SARM1: variants seen among roughly 807,000 people sequenced by gnomAD.
The protein encoded by SARM1 is NAD(+) hydrolase SARM1.
Under a neutral mutation model 65.1 loss-of-function variants are expected in SARM1, and 60 were observed. The ratio of observed to expected loss-of-function variants is 0.92; its 90% CI spans 0.75 to 1.14. The LOEUF is 1.14. SARM1 is among the 50% of genes most tolerant of loss of function. SARM1 has a pLI of 0.00. For synonymous variants in SARM1, 417 were observed against 465.4 expected, an observed-to-expected ratio of 0.90 and a Z score of 1.34; for missense variants, 913 against 1,015.7, an observed-to-expected ratio of 0.90 and a Z score of 1.37.
At chr17:28,387,572 C>T (rs891266788) in intron 5 of SARM1, among the ~76,000 whole-genome samples, 2 of 152,144 alleles carry the variant, frequency 1.3e-5, no homozygotes, top group African/African-American at 2.4e-5. Context: ...AGGAGGCTGG[C>T]ATTGGAAACC....
intron 5 of SARM1, among the ~76,000 whole-genome samples, chr17:28,386,850 C>T (rs939149495): frequency 5.3e-5 from 8 of 152,182 alleles, no homozygotes; most frequent in African/African-American, 1.9e-4. Flanking sequence ...AGTGATTCTC[C>T]CACCTCACCT....
chr17:28,396,495 C>G lies in SARM1; in HGVS notation c.*209C>G. The G allele has an allele frequency of 1.6e-6, 1 of 619,874 alleles. No homozygotes were observed. Among genetic ancestry groups the G allele is most frequent in the Non-Finnish European group, 2.8e-6 (1 of 359,614 alleles). The allele number at this position is 619,874 out of a possible 1,614,324, so 38.4% of individuals were successfully genotyped here. On this transcript the variant is annotated 3_prime_UTR_variant, in exon 9 of 9. Transcript: ENST00000585482. ...AGGGAAGGGAAGTCAGGCTTGGGCA[C>G]GGGAGGTTAGAACTCCCCCAGGCCC...
Position 28,384,431 on chromosome 17 carries a change from G to A in SARM1, c.1164G>A (p.Ala388=). 6.2e-7 allele frequency: 1 copy of A among 1,613,122 alleles called. No individual in the cohort carries two copies. Among genetic ancestry groups the A allele is most frequent in the Non-Finnish European group, 8.5e-7 (1 of 1,179,478 alleles). Reference sequence around the variant, plus strand: ...ACTCTACCAATGGCACTAAGTCGGCGCTGGCCAAGCGCGCGCTGCGCCTGC... The same window carrying A: ...ACTCTACCAATGGCACTAAGTCGGCACTGGCCAAGCGCGCGCTGCGCCTGC... The part of the protein sequence containing the change: ...VSYSTNGTKS[A]LAKRALRLLG... The change falls in exon 3 of 9, where the codon GCG becomes GCA. Residue 388 remains alanine (A), a synonymous_variant. Coordinates refer to ENST00000585482, the MANE Select transcript of SARM1 (RefSeq NM_015077.4). This position sits in a 1 kb window ranked among gnomAD's most constrained non-coding sequence, Gnocchi z 4.4.
chr17:28,400,689 G>A lies in SARM1; in HGVS notation c.*4403G>A. ...CCCTTCATAAAGTTCAGAGTGGCTG[G>A]GTAGAGTGAGTTGAAGATGCCGGAG... On this transcript the variant is annotated 3_prime_UTR_variant, in exon 9 of 9. Transcript: ENST00000585482. 1.2e-6 allele frequency: 2 copies of A among 1,612,286 alleles called. No individual in the cohort carries two copies. The highest frequency in any genetic ancestry group is 8.5e-7 in the Non-Finnish European group (1 of 1,179,354).
At chr17:28,375,862 CCCTCTCTGGAGATAAA>C (rs1447127546) in intron 1 of SARM1, among the ~76,000 whole-genome samples, 1 of 152,112 alleles carries the variant, frequency 6.6e-6, no homozygotes, top group African/African-American at 2.4e-5. Flanking sequence ...CAACCAGACC[CCCTCTCTGGAGATAAA>C]CCACTATAAC....
At chr17:28,395,679 G>A (rs1456591143) in intron 7 of SARM1, 5 of 525,532 alleles carry the variant, frequency 9.5e-6, no homozygotes, top group Non-Finnish European at 1.7e-5. Flanking sequence ...CATCACTCAA[G>A]AGATTCCAAG....
intron 1 of SARM1, chr17:28,374,014 C>A (rs994024194): frequency 1.3e-5 from 2 of 152,202 alleles, no homozygotes; most frequent in Non-Finnish European, 2.9e-5. Context: ...CGCCTGTAAT[C>A]CCAGCACTTT....
At position 28,388,212 on chromosome 17, in the gene SARM1, C is replaced by T. The variant is rs1555586333; in HGVS notation, c.1669C>T (p.Pro557Ser). 6.4e-7 allele frequency: 1 copy of T among 1,550,492 alleles called. No individual in the cohort carries two copies. Among genetic ancestry groups the T allele is most frequent in the Non-Finnish European group, 8.7e-7 (1 of 1,147,214 alleles). The change falls in exon 6 of 9, where the codon CCC becomes TCC. Residue 557 changes from proline (P) to serine (S), a missense_variant. This residue lies in a region of SARM1 where 862 missense variants were observed against 952.1 expected (regional missense o/e 0.91). Transcript: ENST00000585482. ...HSPLPCTGGK[P>S]SGDTPDVFIS... The stretch of plus-strand genomic sequence containing the variant: ...CCCGCTGCCCTGTACTGGTGGCAAA[C>T]CCAGTGGGGACACTCCAGATGTCTT...
chr17:28,372,394 G>T lies in SARM1; in HGVS notation c.362G>T (p.Arg121Leu), dbSNP rs1289442893. The T allele has an allele frequency of 1.0e-5, 16 of 1,528,180 alleles. No homozygotes were observed. Among genetic ancestry groups the T allele is most frequent in the East Asian group, 2.5e-5 (1 of 40,032 alleles). The allele number at this position is 1,528,180 out of a possible 1,614,324, so 94.7% of individuals were successfully genotyped here. A position where few individuals can be genotyped will look rare whatever the true frequency, so the allele number is the denominator to read the frequency against. ...EVAQGLCDAI[R>L]LDGGLDLLLR... is the part of the protein sequence containing the mutation. The stretch of plus-strand genomic sequence containing the variant: ...GCCCAGGGTCTGTGCGACGCCATCC[G>T]CCTCGATGGCGGCCTCGACCTGCTG... Residue 121 changes from arginine (R) to leucine (L), a missense_variant, in exon 1 of 9, where the codon CGC becomes CTC. Coordinates refer to ENST00000585482, the MANE Select transcript of SARM1 (RefSeq NM_015077.4). This position sits in a 1 kb window ranked among gnomAD's most constrained non-coding sequence, Gnocchi z 5.2.
At chr17:28,392,174 C>A (rs2068084138) in intron 7 of SARM1, among the ~76,000 whole-genome samples, 1 of 150,864 alleles carries the variant, frequency 6.6e-6, no homozygotes, top group Non-Finnish European at 1.5e-5. Flanking sequence ...GTGGTGAGAT[C>A]TTGGTCGGCT....
intron 7 of SARM1, among the ~76,000 whole-genome samples, chr17:28,389,113 A>G (rs2068068236): frequency 6.6e-6 from 1 of 152,148 alleles, no homozygotes; most frequent in Non-Finnish European, 1.5e-5. Context: ...GAGACAGGAG[A>G]GCATAGCGAC....
intron 1 of SARM1, chr17:28,374,095 T>A (rs1182155843): frequency 1.5e-5 from 2 of 135,150 alleles, no homozygotes; most frequent in African/African-American, 5.9e-5. Context: ...GGTGAAACCC[T>A]GTCTCTACTA....
chr17:28,395,746 T>G (rs782280992), intron 7 of SARM1, 159 bp from the exon 8 acceptor site: 21 of 693,070 alleles, frequency 3.0e-5, no homozygotes, highest in Non-Finnish European at 5.1e-5. Context: ...TTATTTTTTA[T>G]TACACTACAA....
chr17:28,384,977 TC>T lies in SARM1; in HGVS notation c.1394+52del, dbSNP rs1555585779. On this transcript the variant is annotated intron_variant, in intron 4 of 8. Transcript: ENST00000585482. The surrounding 1 kb of genome is among the most constrained non-coding windows in gnomAD (Gnocchi z 4.4). ...GGACCCCAGCTAGGTCTAAATAAGCTCCCCCTCCGCCCACAGCCCGTCCGAG... is the reference window on the plus strand; with the variant it reads ...GGACCCCAGCTAGGTCTAAATAAGCTCCCCTCCGCCCACAGCCCGTCCGAG... 3 of 1,595,144 alleles carry T rather than the reference TC, an allele frequency of 1.9e-6. No homozygotes were observed. Among genetic ancestry groups the T allele is most frequent in the South Asian group, 2.3e-5 (2 of 88,762 alleles).
At chr17:28,392,260 C>T (rs988705193) in intron 7 of SARM1, among the ~76,000 whole-genome samples, 4 of 151,770 alleles carry the variant, frequency 2.6e-5, no homozygotes, top group East Asian at 3.9e-4. Context: ...TACAGGCACA[C>T]GCCACCATAT....
intron 7 of SARM1, among the ~76,000 whole-genome samples, chr17:28,394,460 C>CTAAT (rs1219413077): frequency 6.6e-6 from 1 of 152,258 alleles, no homozygotes; most frequent in East Asian, 1.9e-4. Flanking sequence ...ACACTAACCA[C>CTAAT]TAATTCTCCA....
At chr17:28,383,701 G>A (rs1328708516) in intron 2 of SARM1, among the ~76,000 whole-genome samples, 6 of 152,200 alleles carry the variant, frequency 3.9e-5, no homozygotes, top group Non-Finnish European at 7.3e-5. Context: ...GTTTCCAGTA[G>A]TGACTAAGAC....
At position 28,384,626 on chromosome 17, in the gene SARM1, G is replaced by A; in HGVS notation, c.1302+57G>A. 1 of 1,469,250 alleles carries A rather than the reference G, an allele frequency of 6.8e-7. No individual in the cohort carries two copies. Among genetic ancestry groups the A allele is most frequent in the South Asian group, 1.3e-5 (1 of 76,264 alleles). The allele number at this position is 1,469,250 out of a possible 1,614,324, so 91.0% of individuals were successfully genotyped here. ...TCAGAGCGGGCGCCCTGTGCACAGG[G>A]ACTGCGTTCCCTCCCCGCCTCGCAA... On this transcript the variant is annotated intron_variant, in intron 3 of 8. Coordinates refer to ENST00000585482, the MANE Select transcript of SARM1 (RefSeq NM_015077.4). This position sits in a 1 kb window ranked among gnomAD's most constrained non-coding sequence, Gnocchi z 4.4.
In SARM1 at chr17:28,372,534, C is replaced by T. The variant is rs782806566; in HGVS notation, c.470+32C>T. On this transcript the variant is annotated intron_variant, in intron 1 of 8. Transcript: ENST00000585482. This position sits in a 1 kb window ranked among gnomAD's most constrained non-coding sequence, Gnocchi z 5.2. ...GCGCCAGGCCGGGGTTGGGAGAGCG[C>T]CGCGTGGTGTGGACAGTTAAGCGCC... 2 of 1,487,276 alleles carry T rather than the reference C, an allele frequency of 1.3e-6. No individual in the cohort carries two copies. Among genetic ancestry groups the T allele is most frequent in the South Asian group, 2.5e-5 (2 of 80,140 alleles). The allele number at this position is 1,487,276 out of a possible 1,614,324, so 92.1% of individuals were successfully genotyped here.
Sources: gnomAD v4.1 joint callset for allele counts (sites outside exome capture counted in the v4.1 genomes callset) on GRCh38, gnomAD v4.1.1 for gene constraint, gnomAD v4.1.1 regional missense constraint, Gnocchi (gnomAD v3.1) non-coding constraint, MANE v1.5 for transcripts, NCBI Gene and HGNC (gene_info 2026-07-23, HGNC 2026-07-21) for gene names.